NPAS3: variants seen among roughly 807,000 people sequenced by gnomAD.
NPAS3 encodes the protein neuronal PAS domain-containing protein 3.
Under a neutral mutation model 73.1 loss-of-function variants are expected in NPAS3, and 14 were observed. The observed-to-expected ratio is 0.19, with a 90% CI of 0.13 to 0.30. The LOEUF (loss-of-function observed/expected upper bound fraction) is 0.30. NPAS3 is among the 10% of genes least tolerant of loss of function. The probability of loss-of-function intolerance (pLI) is 1.00; values close to 1 mark genes in which losing one functional copy is unlikely to be tolerated. For missense variants in NPAS3, 1,096 were observed against 1,250.0 expected, an observed-to-expected ratio of 0.88 and a Z score of 1.86; for synonymous variants, 620 against 541.5, an observed-to-expected ratio of 1.14 and a Z score of -2.01.
intron 3 of NPAS3, among the ~76,000 whole-genome samples, chr14:33,243,222 T>C (rs564956155): frequency 6.6e-6 from 1 of 152,282 alleles, no homozygotes; most frequent in African/African-American, 2.4e-5. Flanking sequence ...TGAATAACTT[T>C]ATAATGGAAG....
At chr14:33,480,075 A>T (rs2139695871) in intron 4 of NPAS3, among the ~76,000 whole-genome samples, 1 of 152,334 alleles carries the variant, frequency 6.6e-6, no homozygotes, top group Admixed American at 6.5e-5. Context: ...AGAAGCACGA[A>T]GCCCTTTTGA....
chr14:33,029,857 C>A (rs538893159), intron 1 of NPAS3, among the ~76,000 whole-genome samples: 9 of 152,176 alleles, frequency 5.9e-5, no homozygotes, highest in Non-Finnish European at 1.2e-4. Flanking sequence ...AGACTACATC[C>A]TTAAAATATT....
chr14:33,154,544 A>G (rs1284355636), intron 2 of NPAS3, among the ~76,000 whole-genome samples: 1 of 152,186 alleles, frequency 6.6e-6, no homozygotes, highest in East Asian at 1.9e-4. Context: ...TGTATTTGTA[A>G]AGCCACTTTC....
At chr14:33,069,143 C>A (rs1167996158) in intron 2 of NPAS3, among the ~76,000 whole-genome samples, 1 of 152,018 alleles carries the variant, frequency 6.6e-6, no homozygotes, top group Non-Finnish European at 1.5e-5. Context: ...TGATTTGTAC[C>A]AAGACGAAGT....
intron 2 of NPAS3, among the ~76,000 whole-genome samples, chr14:33,160,553 A>G (rs111989977): frequency 0.053 from 7,982 of 150,052 alleles, 231 homozygotes; most frequent in South Asian, 0.078. Context: ...TGACGAGTTA[A>G]TGGGTGCAGC....
downstream of NPAS3, chr14:33,802,077 T>A (rs559091326): frequency 2.6e-5 from 4 of 152,328 alleles, no homozygotes; most frequent in South Asian, 8.3e-4. Flanking sequence ...AGGAGCAGTT[T>A]AGGTACATAC....
chr14:33,735,593 G>A (rs1202626013), intron 7 of NPAS3, among the ~76,000 whole-genome samples: 2 of 152,008 alleles, frequency 1.3e-5, no homozygotes, highest in Non-Finnish European at 2.9e-5. Context: ...AAGTGCTTCA[G>A]CACCTGCTGG....
At chr14:33,035,099 G>C (rs1373977513) in intron 1 of NPAS3, among the ~76,000 whole-genome samples, 1 of 151,990 alleles carries the variant, frequency 6.6e-6, no homozygotes, top group Non-Finnish European at 1.5e-5. Context: ...CTAATGAAAG[G>C]GCATCATTTA....
chr14:33,303,678 G>A (rs2042641845), intron 3 of NPAS3, among the ~76,000 whole-genome samples: 1 of 152,202 alleles, frequency 6.6e-6, no homozygotes, highest in African/African-American at 2.4e-5. Context: ...TAGGTTTGTT[G>A]CCTCAGAGTA....
At chr14:33,566,678 C>T (rs1299820959) in intron 5 of NPAS3, among the ~76,000 whole-genome samples, 1 of 152,166 alleles carries the variant, frequency 6.6e-6, no homozygotes, top group Non-Finnish European at 1.5e-5. Context: ...CCACCTTGAG[C>T]AGAGTGGAAA....
intron 2 of NPAS3, among the ~76,000 whole-genome samples, chr14:33,176,263 A>G (rs1364410442): frequency 6.6e-6 from 1 of 152,246 alleles, no homozygotes; most frequent in African/African-American, 2.4e-5. Context: ...TTTTATGTAT[A>G]CAGTGGCAAT....
At chr14:33,040,178 A>G (rs1301420131) in intron 1 of NPAS3, among the ~76,000 whole-genome samples, 3 of 152,142 alleles carry the variant, frequency 2.0e-5, no homozygotes, top group Non-Finnish European at 2.9e-5. Flanking sequence ...TCACTCTGTA[A>G]CTGAATCGGG....
intron 1 of NPAS3, among the ~76,000 whole-genome samples, chr14:33,044,333 C>T (rs903734205): frequency 2.6e-5 from 4 of 152,136 alleles, no homozygotes; most frequent in African/African-American, 9.7e-5. Context: ...TACTGTGATA[C>T]ATTTGAACCA....
chr14:33,164,551 AC>A (rs1445975288), intron 2 of NPAS3, among the ~76,000 whole-genome samples: 1 of 152,198 alleles, frequency 6.6e-6, no homozygotes, highest in Non-Finnish European at 1.5e-5. Context: ...AAAAAAAACC[AC>A]AGAGATACAT....
At chr14:33,332,823 T>C (rs906465345) in intron 3 of NPAS3, among the ~76,000 whole-genome samples, 2 of 152,234 alleles carry the variant, frequency 1.3e-5, no homozygotes, top group African/African-American at 4.8e-5. Flanking sequence ...TCCTGAACTA[T>C]GCAGCTTCTT....
At chr14:33,025,209 A>G (rs2039758480) in intron 1 of NPAS3, among the ~76,000 whole-genome samples, 1 of 152,202 alleles carries the variant, frequency 6.6e-6, no homozygotes, top group South Asian at 2.1e-4. Flanking sequence ...AAGCTTTTGG[A>G]TCAGACAAAT....
intron 6 of NPAS3, among the ~76,000 whole-genome samples, chr14:33,719,604 A>G (rs1303490877): frequency 6.6e-6 from 1 of 152,198 alleles, no homozygotes; most frequent in Non-Finnish European, 1.5e-5. Context: ...CACACATTTA[A>G]AGAGAAAAGA....
intron 1 of NPAS3, among the ~76,000 whole-genome samples, chr14:33,011,559 T>TC (rs2039197299): frequency 6.6e-6 from 1 of 151,660 alleles, no homozygotes; most frequent in Non-Finnish European, 1.5e-5. Flanking sequence ...CAGTTTTTTT[T>TC]TTTCCTCATC....
Position 33,024,130 on chromosome 14 carries a change from GTGTGTGTGTATA to G in NPAS3, c.51-31765_51-31754del, listed in dbSNP as rs560905730. 5.8e-3 allele frequency among the ~76,000 whole-genome samples: 818 copies of G among 140,520 alleles called. 8 individuals carry two copies. Among genetic ancestry groups the G allele is most frequent in the African/African-American group, 0.022 (762 of 34,948 alleles). 92.2% of individuals were successfully genotyped at this position (140,520 alleles called of 152,430 possible). On this transcript the variant is annotated intron_variant, in intron 1 of 11. Coordinates refer to ENST00000356141, the Ensembl canonical transcript of NPAS3. The stretch of plus-strand genomic sequence containing the variant: ...TGTATATATATGTGTATATATATGT[GTGTGTGTGTATA>G]TGTGTGTGTGTGTGTGTGTGTGTGT...
Sources: gnomAD v4.1 joint callset for allele counts (sites outside exome capture counted in the v4.1 genomes callset) on GRCh38, gnomAD v4.1.1 for gene constraint, MANE v1.5 for transcripts, NCBI Gene and HGNC (gene_info 2026-07-23, HGNC 2026-07-21) for gene names.